Variants in TMEM138 observed in about 807,000 individuals in gnomAD.
TMEM138 encodes transmembrane protein 138.
Under a neutral mutation model 18.1 loss-of-function variants are expected in TMEM138, and 9 were observed. The ratio of observed to expected loss-of-function variants is 0.50; its 90% CI spans 0.30 to 0.87. The LOEUF (loss-of-function observed/expected upper bound fraction) is 0.87. Ranked by LOEUF, TMEM138 falls within the 40% of genes least tolerant of loss-of-function variation. The probability of loss-of-function intolerance (pLI) is 0.06; values close to 1 mark genes in which losing one functional copy is unlikely to be tolerated. For synonymous variants in TMEM138, 79 were observed against 74.8 expected, an observed-to-expected ratio of 1.06 and a Z score of -0.29; for missense variants, 189 against 190.6, an observed-to-expected ratio of 0.99 and a Z score of 0.05.
At position 61,364,318 on chromosome 11, in the gene TMEM138, A is replaced by G; in HGVS notation, c.-73A>G. On this transcript the variant is annotated 5_prime_UTR_variant, in exon 2 of 5. Transcript: ENST00000278826. ...AACTAGAAGCCTCTCCCTCAGTGGTAGGGAGACAGCCAGGAGCGGTTTTCT... is the reference window on the plus strand; with the variant it reads ...AACTAGAAGCCTCTCCCTCAGTGGTGGGGAGACAGCCAGGAGCGGTTTTCT... 1.3e-6 allele frequency: 2 copies of G among 1,576,476 alleles called. No individual in the cohort carries two copies. Among genetic ancestry groups the G allele is most frequent in the Non-Finnish European group, 1.7e-6 (2 of 1,156,892 alleles).
At chr11:61,375,317 CTTTTTTTT>C (rs71043758), downstream of TMEM138, among the ~76,000 whole-genome samples, 1 of 65,326 alleles carries the variant, frequency 1.5e-5, no homozygotes, top group Non-Finnish European at 3.1e-5. Context: ...TGTGAGTATT[CTTTTTTTT>C]TTTTTTTTTT....
chr11:61,370,893 T>G (rs1475008262), downstream of TMEM138, among the ~76,000 whole-genome samples: 1 of 152,108 alleles, frequency 6.6e-6, no homozygotes, highest in Non-Finnish European at 1.5e-5. Flanking sequence ...GGCCTTGGGA[T>G]CCATTGGCAG....
chr11:61,362,586 G>A (rs1270881394), intron 1 of TMEM138, 166 bp downstream of exon 1: 1 of 152,238 alleles, frequency 6.6e-6, no homozygotes, highest in African/African-American at 2.4e-5. Context: ...AAGGGAAGGC[G>A]GCAGGTAGCG....
At chr11:61,362,889 C>T (rs890166945) in intron 1 of TMEM138, 1 of 152,186 alleles carries the variant, frequency 6.6e-6, no homozygotes, top group Non-Finnish European at 1.5e-5. Context: ...TTAAAGGAAA[C>T]GATCTTGGTT....
chr11:61,363,429 A>C (rs1858014226), intron 1 of TMEM138: 1 of 152,194 alleles, frequency 6.6e-6, no homozygotes, highest in Admixed American at 6.5e-5. Flanking sequence ...AGAGCTTATA[A>C]ATTGCAAAAC....
chr11:61,368,481 CT>C (rs1858234270), intron 4 of TMEM138, 115 bp from the exon 5 acceptor site: 4 of 664,612 alleles, frequency 6.0e-6, no homozygotes, highest in Non-Finnish European at 1.1e-5. Flanking sequence ...CTGCCTCTGC[CT>C]CCTAAAGTGC....
downstream of TMEM138, among the ~76,000 whole-genome samples, chr11:61,370,004 C>T (rs183075932): frequency 2.0e-5 from 3 of 152,302 alleles, no homozygotes; most frequent in East Asian, 3.9e-4. Flanking sequence ...TAGAAATTGA[C>T]ATGAGGCTAA....
rs387907133 is a variant in TMEM138, at chr11:61,368,600, C to T, written c.380C>T (p.Ala127Val). 3 of 1,610,250 alleles carry T rather than the reference C, an allele frequency of 1.9e-6. No homozygotes were observed. Among genetic ancestry groups the T allele is most frequent in the Middle Eastern group, 3.3e-4 (2 of 6,046 alleles). ...QMLFVFQRLA[A>V]VLYCYFYKRT... Reference sequence around the variant, plus strand: ...CTCTTCTGCTTCCTCCCCACAGCAGCAGTGTTGTACTGCTACTTCTATAAA... The same window carrying T: ...CTCTTCTGCTTCCTCCCCACAGCAGTAGTGTTGTACTGCTACTTCTATAAA... The change falls in exon 5 of 5, where the codon GCA becomes GTA. Residue 127 changes from alanine (A) to valine (V), a missense_variant. Coordinates refer to ENST00000278826, the MANE Select transcript of TMEM138 (RefSeq NM_016464.5).
At chr11:61,374,413 AG>A (rs1465078361), downstream of TMEM138, among the ~76,000 whole-genome samples, 1 of 152,020 alleles carries the variant, frequency 6.6e-6, no homozygotes. Flanking sequence ...AGCCTCCCAA[AG>A]TACTGGGATT....
At position 61,366,092 on chromosome 11, in the gene TMEM138, T is replaced by C. The variant is rs748465653; in HGVS notation, c.176T>C (p.Met59Thr). The C allele has an allele frequency of 1.2e-6, 2 of 1,614,034 alleles. No homozygotes were observed. Among genetic ancestry groups the C allele is most frequent in the Non-Finnish European group, 1.7e-6 (2 of 1,180,022 alleles). The change falls in exon 3 of 5, where the codon ATG becomes ACG. Residue 59 changes from methionine to threonine, a missense_variant. Coordinates refer to ENST00000278826, the MANE Select transcript of TMEM138 (RefSeq NM_016464.5). ...VLFNIIIIFL[M>T]FFNTFVFQAG... ...TTCAACATCATCATCATTTTCCTCA[T>C]GTTCTTCAACACCTTCGTCTTCCAG...
chr11:61,372,716 G>A (rs1384489399), downstream of TMEM138, among the ~76,000 whole-genome samples: 6 of 151,974 alleles, frequency 3.9e-5, no homozygotes, highest in Admixed American at 2.0e-4. Flanking sequence ...AACCTGGGAG[G>A]TGGAGCTTGC....
intron 4 of TMEM138, chr11:61,368,383 G>A (rs554843933): frequency 1.0e-4 from 53 of 521,654 alleles, no homozygotes; most frequent in African/African-American, 8.3e-4. Context: ...CCGCCACCAC[G>A]CCCAGCTAAT....
downstream of TMEM138, among the ~76,000 whole-genome samples, chr11:61,372,517 T>C (rs1193204023): frequency 6.7e-6 from 1 of 148,296 alleles, no homozygotes; most frequent in African/African-American, 2.5e-5. Context: ...GTGCGGTGGC[T>C]CACGCCTGTA....
intron 4 of TMEM138, 68 bp from the exon 5 acceptor site, chr11:61,368,529 T>G: frequency 8.9e-7 from 1 of 1,126,462 alleles, no homozygotes; most frequent in Non-Finnish European, 1.3e-6. Flanking sequence ...CCTGGCCAGG[T>G]TCTGTTCTTA....
At chr11:61,367,843 G>A in intron 3 of TMEM138, 80 bp from the exon 4 acceptor site, 1 of 834,664 alleles carries the variant, frequency 1.2e-6, no homozygotes, top group Non-Finnish European at 2.1e-6. Context: ...AAAGCAACTG[G>A]CATCTCTGCA....
intron 3 of TMEM138, 63 bp from the exon 4 acceptor site, chr11:61,367,860 C>G: frequency 9.7e-7 from 1 of 1,031,694 alleles, no homozygotes; most frequent in South Asian, 1.3e-5. Context: ...TGCAGCTAAC[C>G]AAGTTGGAGA....
chr11:61,368,890 G>T lies in TMEM138; in HGVS notation c.*181G>T. Reference sequence around the variant, plus strand: ...CTTGCACAATTAGAGTGTCCCCATCGGTCTCCAGTGCGGCATCCCTTCCTT... The same window carrying T: ...CTTGCACAATTAGAGTGTCCCCATCTGTCTCCAGTGCGGCATCCCTTCCTT... On this transcript the variant is annotated 3_prime_UTR_variant, in exon 5 of 5. Coordinates refer to ENST00000278826, the MANE Select transcript of TMEM138 (RefSeq NM_016464.5). The T allele has an allele frequency of 1.7e-6, 1 of 605,188 alleles. No homozygotes were observed. Among genetic ancestry groups the T allele is most frequent in the Non-Finnish European group, 3.0e-6 (1 of 335,398 alleles). 37.5% of individuals were successfully genotyped at this position (605,188 alleles called of 1,614,324 possible).
At chr11:61,364,122 T>G (rs1290190001) in intron 1 of TMEM138, 130 bp from the exon 2 acceptor site, 2 of 287,646 alleles carry the variant, frequency 7.0e-6, no homozygotes, top group East Asian at 6.5e-5. Flanking sequence ...TTCTTGGGGG[T>G]TTTTGTTGTT....
chr11:61,368,452 C>A (rs987097929), intron 4 of TMEM138, 145 bp from the exon 5 acceptor site: 1 of 605,124 alleles, frequency 1.7e-6, no homozygotes, highest in Non-Finnish European at 3.0e-6. Flanking sequence ...TGGTCTCGAT[C>A]TCTGACCTCA....
Sources: gnomAD v4.1 joint callset for allele counts (sites outside exome capture counted in the v4.1 genomes callset) on GRCh38, gnomAD v4.1.1 for gene constraint, MANE v1.5 for transcripts, NCBI Gene and HGNC (gene_info 2026-07-23, HGNC 2026-07-21) for gene names.